Variants in RBFOX1 observed in about 807,000 individuals in gnomAD.
The protein encoded by RBFOX1 is RNA binding fox-1 homolog 1.
In RBFOX1, 8 loss-of-function variants were observed where a neutral mutation model predicts 57.7. That is an observed-to-expected ratio of 0.14 (90% CI 0.08 to 0.25). The LOEUF (loss-of-function observed/expected upper bound fraction) is 0.25. Ranked by LOEUF, RBFOX1 falls within the 10% of genes least tolerant of loss-of-function variation. RBFOX1 has a pLI of 1.00. For synonymous variants in RBFOX1, 326 were observed against 222.4 expected (o/e 1.47, Z -4.15); for missense variants, 611 against 548.5 (o/e 1.11, Z -1.14).
At chr16:5,861,285 C>A (rs1429040335) in intron 3 of RBFOX1, among the ~76,000 whole-genome samples, 1 of 152,144 alleles carries the variant, frequency 6.6e-6, no homozygotes. Context: ...CTTACACCCC[C>A]GTGCCACACA....
intron 2 of RBFOX1, among the ~76,000 whole-genome samples, chr16:6,335,776 C>CAAAAAAAAAAAAAAAA (rs57151962): frequency 2.6e-4 from 13 of 50,914 alleles, no homozygotes; most frequent in African/African-American, 6.7e-4. Flanking sequence ...AGACTGTCTC[C>CAAAAAAAAAAAAAAAA]AAAAAAAAAA....
chr16:7,019,638 GA>G (rs112606393), intron 3 of RBFOX1, among the ~76,000 whole-genome samples: 50,491 of 151,778 alleles, frequency 0.33, 12,047 homozygotes, highest in African/African-American at 0.67. Flanking sequence ...TCAGGGCTGT[GA>G]TTCCTAGGCT....
rs1242649912 is a variant in RBFOX1 at position 6,560,385 on chromosome 16, C to T, written c.-63-94218C>T. Among the ~76,000 whole-genome samples, 5 of 92,052 alleles carry T rather than the reference C, an allele frequency of 5.4e-5. No homozygotes were observed. In the East Asian group the frequency reaches 1.7e-3, roughly 31 times the overall value. 60.4% of individuals were successfully genotyped at this position (92,052 alleles called of 152,430 possible). A position where few individuals can be genotyped will look rare whatever the true frequency, so the allele number is the denominator to read the frequency against. ...GCAATTTTACATGAGGAGGAGAGGG[C>T]CAGTGTGGGCCTTACTGTGAAGGTG... On this transcript the variant is annotated intron_variant, in intron 2 of 15. Transcript: ENST00000550418.
intron 4 of RBFOX1, among the ~76,000 whole-genome samples, chr16:7,435,934 G>A (rs1335189598): frequency 6.6e-6 from 1 of 152,302 alleles, no homozygotes. Flanking sequence ...GTTGAAGTAC[G>A]TCAACATTAC....
At chr16:6,857,736 G>A (rs1332208844) in intron 3 of RBFOX1, among the ~76,000 whole-genome samples, 1 of 152,162 alleles carries the variant, frequency 6.6e-6, no homozygotes, top group Non-Finnish European at 1.5e-5. Flanking sequence ...TAAATTGGGA[G>A]AGGCAGGGAG....
At chr16:6,815,546 C>G (rs992388928) in intron 3 of RBFOX1, among the ~76,000 whole-genome samples, 14 of 152,160 alleles carry the variant, frequency 9.2e-5, no homozygotes, top group Non-Finnish European at 1.9e-4. Context: ...AGACATTATG[C>G]CAGTCTCTAT....
intron 4 of RBFOX1, among the ~76,000 whole-genome samples, chr16:7,176,044 G>C (rs1413591990): frequency 1.3e-5 from 2 of 151,868 alleles, no homozygotes; most frequent in African/African-American, 4.8e-5. Context: ...ATGTAACCAA[G>C]ATGGACCTCA....
intron 4 of RBFOX1, among the ~76,000 whole-genome samples, chr16:7,146,107 C>A (rs982717101): frequency 6.6e-6 from 1 of 152,122 alleles, no homozygotes; most frequent in African/African-American, 2.4e-5. Flanking sequence ...ATGAACTTTG[C>A]CTGTCAAAGC....
chr16:5,487,481 A>C (rs183048241), intron 2 of RBFOX1, among the ~76,000 whole-genome samples: 2 of 152,312 alleles, frequency 1.3e-5, no homozygotes, highest in East Asian at 3.9e-4. Flanking sequence ...CCTGAGGGTG[A>C]GGACTTGGGT....
At chr16:5,953,030 C>T (rs1007760305) in intron 4 of RBFOX1, among the ~76,000 whole-genome samples, 4 of 147,104 alleles carry the variant, frequency 2.7e-5, no homozygotes, top group African/African-American at 7.6e-5. Flanking sequence ...AGCCTGGCTA[C>T]ATGGTAGAAT....
intron 3 of RBFOX1, among the ~76,000 whole-genome samples, chr16:5,701,384 T>C (rs2051042563): frequency 6.6e-6 from 1 of 152,228 alleles, no homozygotes; most frequent in Non-Finnish European, 1.5e-5. Context: ...GAATATATTG[T>C]GATGCCTCAA....
At chr16:7,033,097 G>A (rs2043231399) in intron 3 of RBFOX1, among the ~76,000 whole-genome samples, 1 of 152,158 alleles carries the variant, frequency 6.6e-6, no homozygotes, top group African/African-American at 2.4e-5. Flanking sequence ...CTCCTCTTGG[G>A]CTGAGTGGGG....
Position 5,856,575 on chromosome 16 carries a change from G to GTATATATATATATATATA in RBFOX1, c.319-10715_319-10698dup, listed in dbSNP as rs375112636. On this transcript the variant is annotated intron_variant, in intron 3 of 19. Coordinates refer to the RBFOX1 transcript ENST00000641259. ...TGTGTGTGTGTGTATGTGTGTGTGT[G>GTATATATATATATATATA]TATATATATATATATATATATATAT... Among the ~76,000 whole-genome samples the GTATATATATATATATATA allele has an allele frequency of 3.8e-3, 124 of 32,824 alleles. 2 individuals are homozygous for GTATATATATATATATATA. The highest frequency in any genetic ancestry group is 4.5e-3 in the African/African-American group (36 of 7,936). 21.5% of individuals were successfully genotyped at this position (32,824 alleles called of 152,430 possible). A position where few individuals can be genotyped will look rare whatever the true frequency, so the allele number is the denominator to read the frequency against.
intron 1 of RBFOX1, among the ~76,000 whole-genome samples, chr16:5,454,723 ATCTC>A (rs1186991185): frequency 1.9e-5 from 1 of 51,998 alleles, no homozygotes; most frequent in Admixed American, 1.7e-4. Flanking sequence ...GTTCCTTAAA[ATCTC>A]TCTCTTTCTT....
At chr16:6,450,829 A>G (rs9936859) in intron 2 of RBFOX1, among the ~76,000 whole-genome samples, 2,309 of 38,328 alleles carry the variant, frequency 0.06, 359 homozygotes, top group Middle Eastern at 0.091. Context: ...ATATATATAT[A>G]TATATATGTG....
At chr16:6,474,560 A>C (rs943639524) in intron 2 of RBFOX1, among the ~76,000 whole-genome samples, 1 of 152,146 alleles carries the variant, frequency 6.6e-6, no homozygotes, top group Non-Finnish European at 1.5e-5. Context: ...GCTCCTCATC[A>C]CCACCTTTGT....
intron 4 of RBFOX1, among the ~76,000 whole-genome samples, chr16:7,308,904 C>T (rs187910872): frequency 1.1e-4 from 17 of 152,310 alleles, no homozygotes; most frequent in Middle Eastern, 3.4e-3. Context: ...CCTTGTGTTA[C>T]TCCATCTGAT....
chr16:5,397,720 CA>C (rs1337470969), intron 1 of RBFOX1, among the ~76,000 whole-genome samples: 1 of 152,178 alleles, frequency 6.6e-6, no homozygotes, highest in Non-Finnish European at 1.5e-5. Context: ...GGTCTTGATT[CA>C]CACATGATAA....
intron 14 of RBFOX1, among the ~76,000 whole-genome samples, chr16:7,688,780 A>G (rs1424912863): frequency 6.6e-6 from 1 of 152,132 alleles, no homozygotes; most frequent in African/African-American, 2.4e-5. Flanking sequence ...ACCATGGCAT[A>G]TGCCATTTCA....
Sources: gnomAD v4.1 joint callset for allele counts (sites outside exome capture counted in the v4.1 genomes callset) on GRCh38, gnomAD v4.1.1 for gene constraint, MANE v1.5 for transcripts, NCBI Gene and HGNC (gene_info 2026-07-23, HGNC 2026-07-21) for gene names.